The following KCNH6 variants were observed in gnomAD, a reference collection of about 807,000 sequenced individuals.
The protein encoded by KCNH6 is voltage-gated inwardly rectifying potassium channel KCNH6.
In KCNH6, 81 loss-of-function variants were observed where a neutral mutation model predicts 83.4. The observed-to-expected ratio is 0.97, with a 90% CI of 0.81 to 1.17. KCNH6 has a LOEUF of 1.17. KCNH6 is among the 50% of genes most tolerant of loss of function. The pLI, the probability that KCNH6 is intolerant of heterozygous loss-of-function variation, is 0.00. For synonymous variants in KCNH6, 503 were observed against 545.6 expected, an observed-to-expected ratio of 0.92 and a Z score of 1.09; for missense variants, 1,203 against 1,290.5, an observed-to-expected ratio of 0.93 and a Z score of 1.04.
chr17:63,524,382 C>T lies in KCNH6; in HGVS notation c.307+13C>T, dbSNP rs750492360. 1.1e-5 allele frequency: 17 copies of T among 1,608,210 alleles called. No individual in the cohort carries two copies. The South Asian group carries it at 1.9e-4, about 18-fold the overall frequency. ...TACCGCAAGGATGGTGAGGCATACT[C>T]AGGCCAGAGGCTTTGCAGGGCAGGC... On this transcript the variant is annotated intron_variant, in intron 2 of 12. Transcript: ENST00000314672.
chr17:63,530,348 G>A lies in KCNH6; in HGVS notation c.481G>A (p.Gly161Ser), dbSNP rs763703427. The change falls in exon 4 of 13, where the codon GGC becomes AGC. Residue 161 changes from glycine to serine, a missense_variant. Transcript: ENST00000314672. Reference sequence around the variant, plus strand: ...GGCCCTGGTTTCAGAGGGCTCTCATGGCAGGCCAGGCGGACCAGGGCCAGG... The same window carrying A: ...GGCCCTGGTTTCAGAGGGCTCTCATAGCAGGCCAGGCGGACCAGGGCCAGG... ...QSFLGSEGSH[G>S]RPGGPGPGTG... 2.5e-6 allele frequency: 4 copies of A among 1,614,084 alleles called. No homozygotes were observed. Among genetic ancestry groups the A allele is most frequent in the Non-Finnish European group, 2.5e-6 (3 of 1,179,954 alleles).
At chr17:63,531,712 C>G (rs1305259532) in intron 4 of KCNH6, among the ~76,000 whole-genome samples, 1 of 152,230 alleles carries the variant, frequency 6.6e-6, no homozygotes, top group Non-Finnish European at 1.5e-5. Context: ...GCTGCTTACT[C>G]CAGGACATCT....
intron 6 of KCNH6, among the ~76,000 whole-genome samples, chr17:63,537,303 GT>G (rs2032561140): frequency 6.6e-6 from 1 of 152,184 alleles, no homozygotes. Context: ...GAAAACAAGA[GT>G]CAGCGTGGAA....
At chr17:63,531,674 C>G (rs967446031) in intron 4 of KCNH6, among the ~76,000 whole-genome samples, 1 of 152,192 alleles carries the variant, frequency 6.6e-6, no homozygotes, top group Non-Finnish European at 1.5e-5. Context: ...CAGAGTGGCC[C>G]AAAGGCCTGA....
rs746736338 is a variant in KCNH6 at position 63,542,388 on chromosome 17, C to A, written c.2102C>A (p.Ala701Glu). 3.1e-6 allele frequency: 5 copies of A among 1,614,154 alleles called. No homozygotes were observed. Among genetic ancestry groups the A allele is most frequent in the Admixed American group, 1.7e-5 (1 of 60,016 alleles). ...GTGCTGGACATGTACCCGGCCTTTG[C>A]GGAGAGCTTCTGGAGTAAGCTGGAG... ...LEVLDMYPAF[A>E]ESFWSKLEVT... The change falls in exon 9 of 13, where the codon GCG becomes GAG. Residue 701 changes from alanine to glutamate, a missense_variant. Coordinates refer to ENST00000314672, the MANE Select transcript of KCNH6 (RefSeq NM_001278919.2).
rs2032012043 is a variant in KCNH6 at position 63,530,340 on chromosome 17, G to C, written c.473G>C (p.Gly158Ala). 1.9e-6 allele frequency: 3 copies of C among 1,614,048 alleles called. No homozygotes were observed. The South Asian group carries it at 3.3e-5, about 18-fold the overall frequency. Residue 158 changes from glycine to alanine, a missense_variant, in exon 4 of 13, where the codon GGC (glycine) becomes GCC (alanine). Physicochemically the swap from Gly to Ala is moderately conservative, Grantham distance 60. Transcript: ENST00000314672. ...TGACTCCTGGCCCTGGTTTCAGAGGGCTCTCATGGCAGGCCAGGCGGACCA... is the reference window on the plus strand; with the variant it reads ...TGACTCCTGGCCCTGGTTTCAGAGGCCTCTCATGGCAGGCCAGGCGGACCA... Reference protein sequence around the residue: ...LLSQSFLGSEGSHGRPGGPGP... With the variant: ...LLSQSFLGSEASHGRPGGPGP...
At chr17:63,536,865 A>G (rs2147690433) in intron 6 of KCNH6, among the ~76,000 whole-genome samples, 1 of 144,542 alleles carries the variant, frequency 6.9e-6, no homozygotes, top group Non-Finnish European at 1.5e-5. Context: ...GAGGCAGGAG[A>G]ATTGCTTGAA....
intron 4 of KCNH6, among the ~76,000 whole-genome samples, chr17:63,532,528 G>A (rs2032189558): frequency 6.6e-6 from 1 of 152,190 alleles, no homozygotes; most frequent in Admixed American, 6.5e-5. Flanking sequence ...AAGTCTATGT[G>A]GAGTCGGAGG....
intron 6 of KCNH6, 106 bp from the exon 7 acceptor site, chr17:63,537,959 G>C (rs2032603705): frequency 9.0e-7 from 1 of 1,110,446 alleles, no homozygotes; most frequent in Non-Finnish European, 1.3e-6. Flanking sequence ...CCTGGACAGA[G>C]GGGTCCTTCA....
intron 4 of KCNH6, 80 bp downstream of exon 4, chr17:63,530,622 C>G (rs2032042388): frequency 2.3e-6 from 3 of 1,309,772 alleles, no homozygotes; most frequent in South Asian, 1.2e-5. Flanking sequence ...CCAGGCCCTT[C>G]TGGGGCCTTG....
Position 63,545,891 on chromosome 17 carries a change from T to A in KCNH6, c.2866T>A (p.Trp956Arg), listed in dbSNP as rs2033124911. Residue 956 changes from tryptophan to arginine, a missense_variant, in exon 13 of 13, where the codon TGG becomes AGG. Coordinates refer to ENST00000314672, the MANE Select transcript of KCNH6 (RefSeq NM_001278919.2). ...CTCAGATCCTGGATTTGCAGGGAGT[T>A]GGGGCCACTGAACTCCAAGATAAAG... ...HGSDPGFAGS[W>R]GH 1 of 1,613,640 alleles carries A rather than the reference T, an allele frequency of 6.2e-7. No homozygotes were observed. Among genetic ancestry groups the A allele is most frequent in the Non-Finnish European group, 8.5e-7 (1 of 1,179,924 alleles).
intron 2 of KCNH6, among the ~76,000 whole-genome samples, chr17:63,525,933 T>A (rs1289353304): frequency 1.3e-5 from 2 of 152,182 alleles, no homozygotes; most frequent in African/African-American, 4.8e-5. Context: ...GCAGGTCCTT[T>A]CTTTTCCTCT....
Position 63,530,553 on chromosome 17 carries a change from G to A in KCNH6, c.675+11G>A. 6.2e-7 allele frequency: 1 copy of A among 1,613,404 alleles called. No individual in the cohort carries two copies. The highest frequency in any genetic ancestry group is 1.6e-4 in the Middle Eastern group (1 of 6,062). ...GAGAAGGTCACCCAGGTGCGGGCCT[G>A]CAGAGCAGGGTGTGCAGAGCTGTGC... On this transcript the variant is annotated intron_variant, in intron 4 of 12. Transcript: ENST00000314672.
At chr17:63,541,496 G>A (rs1368125363) in intron 8 of KCNH6, among the ~76,000 whole-genome samples, 5 of 148,586 alleles carry the variant, frequency 3.4e-5, no homozygotes, top group South Asian at 4.2e-4. Flanking sequence ...CGGTTTCACC[G>A]TGTTGGCCAG....
At chr17:63,545,298 G>A (rs1011996433) in intron 12 of KCNH6, 34 bp downstream of exon 12, 7 of 1,602,568 alleles carry the variant, frequency 4.4e-6, no homozygotes, top group Non-Finnish European at 6.0e-6. Context: ...GGGCTTACCT[G>A]CGAGCAGCTG....
chr17:63,543,558 C>T lies in KCNH6; in HGVS notation c.2149-18C>T, dbSNP rs764650603. On this transcript the variant is annotated intron_variant, in intron 9 of 12. Coordinates refer to ENST00000314672, the MANE Select transcript of KCNH6 (RefSeq NM_001278919.2). ...CCAGCTTTGGTTCCTGTTATTTCAC[C>T]CTCTTGCTTCCCATAAGGCAGCCGG... 6.4e-7 allele frequency: 1 copy of T among 1,563,102 alleles called. No homozygotes were observed. Among genetic ancestry groups the T allele is most frequent in the Non-Finnish European group, 8.8e-7 (1 of 1,133,966 alleles).
chr17:63,530,940 TG>T (rs34871375), intron 4 of KCNH6, among the ~76,000 whole-genome samples: 421 of 150,690 alleles, frequency 2.8e-3, no homozygotes, highest in African/African-American at 9.3e-3. Flanking sequence ...AGAGCTGGTG[TG>T]GGGGGGGGTC....
At chr17:63,528,643 A>C (rs2031877960) in intron 2 of KCNH6, among the ~76,000 whole-genome samples, 1 of 151,994 alleles carries the variant, frequency 6.6e-6, no homozygotes, top group South Asian at 2.1e-4. Flanking sequence ...GGTGAAACAG[A>C]GCCTAACCTG....
intron 9 of KCNH6, 133 bp downstream of exon 9, chr17:63,542,567 T>A: frequency 2.7e-6 from 2 of 752,106 alleles, no homozygotes; most frequent in Non-Finnish European, 4.4e-6. Context: ...CTTTTGTGCC[T>A]ACCATGGCTG....
Sources: gnomAD v4.1 joint callset for allele counts (sites outside exome capture counted in the v4.1 genomes callset) on GRCh38, gnomAD v4.1.1 for gene constraint, MANE v1.5 for transcripts, NCBI Gene and HGNC (gene_info 2026-07-23, HGNC 2026-07-21) for gene names.